Variants in PSMG2 observed in about 807,000 individuals in gnomAD.
PSMG2 encodes the protein CD40 ligand-activated specific transcript 3.
PSMG2 carries 21 observed loss-of-function variants against 31.5 expected under a neutral mutation model. The observed-to-expected ratio is 0.67, with a 90% CI of 0.47 to 0.96. PSMG2 has a LOEUF of 0.96. PSMG2 is among the 40% of genes least tolerant of loss of function. PSMG2 has a pLI of 0.00. For synonymous variants in PSMG2, 120 were observed against 110.4 expected (o/e 1.09, Z -0.54); for missense variants, 318 against 321.2 (o/e 0.99, Z 0.08).
At chr18:12,701,939 A>G (rs567486939), upstream of PSMG2, among the ~76,000 whole-genome samples, 2 of 152,080 alleles carry the variant, frequency 1.3e-5, no homozygotes, top group East Asian at 3.9e-4. Context: ...GACCAGCCAC[A>G]CCAACATGGT....
intron 1 of PSMG2, among the ~76,000 whole-genome samples, chr18:12,666,434 T>C (rs2038803131): frequency 7.2e-6 from 1 of 138,336 alleles, no homozygotes; most frequent in South Asian, 2.2e-4. Flanking sequence ...CAAAATTTTA[T>C]GGTTTTTTTT....
intron 1 of PSMG2, among the ~76,000 whole-genome samples, chr18:12,705,238 ATT>A: frequency 6.6e-6 from 1 of 151,998 alleles, no homozygotes; most frequent in African/African-American, 2.4e-5. Context: ...CTAATTTTGT[ATT>A]TTTGGTAGAG....
upstream of PSMG2, chr18:12,700,092 G>A: frequency 2.4e-6 from 1 of 418,966 alleles, no homozygotes. Context: ...GATGTAAACT[G>A]ATCACTCCTA....
At chr18:12,699,735 G>C, upstream of PSMG2, 1 of 685,124 alleles carries the variant, frequency 1.5e-6, no homozygotes. Context: ...ATTTTGGGGG[G>C]AAAAAATGGA....
intron 1 of PSMG2, chr18:12,672,588 T>C (rs1233321606): frequency 1.1e-6 from 1 of 896,762 alleles, no homozygotes; most frequent in Non-Finnish European, 1.3e-6. Context: ...ATAGAATCCA[T>C]GAAGAGGCTA....
At chr18:12,694,961 C>A (rs886741628) in intron 1 of PSMG2, among the ~76,000 whole-genome samples, 2 of 151,958 alleles carry the variant, frequency 1.3e-5, no homozygotes, top group Non-Finnish European at 2.9e-5. Flanking sequence ...GTGATCCGCC[C>A]GCCTCGGCCT....
chr18:12,680,550 T>C (rs1224802444), intron 1 of PSMG2: 9 of 697,854 alleles, frequency 1.3e-5, no homozygotes, highest in Non-Finnish European at 8.8e-6. Context: ...TGAGCTGAGA[T>C]TGTGCCAGTG....
At chr18:12,667,603 A>G (rs902977551) in intron 1 of PSMG2, among the ~76,000 whole-genome samples, 2 of 150,584 alleles carry the variant, frequency 1.3e-5, no homozygotes, top group Non-Finnish European at 3.0e-5. Context: ...TCTAGTAAAA[A>G]TACAAAAATT....
intron 2 of PSMG2, among the ~76,000 whole-genome samples, chr18:12,708,441 C>T (rs35616981): frequency 0.09 from 13,547 of 150,568 alleles, 844 homozygotes; most frequent in Non-Finnish European, 0.13. Context: ...CTCAGCTCAC[C>T]GCAGCCTCCG....
At chr18:12,702,640 G>A, upstream of PSMG2, 3 of 1,404,354 alleles carry the variant, frequency 2.1e-6, no homozygotes, top group East Asian at 2.7e-5. Context: ...AGGAGCGACT[G>A]GAGCACAAAG....
chr18:12,666,436 G>GTATTTTTT (rs1555640544), intron 1 of PSMG2, among the ~76,000 whole-genome samples: 1 of 126,624 alleles, frequency 7.9e-6, no homozygotes, highest in African/African-American at 2.9e-5. Flanking sequence ...AAATTTTATG[G>GTATTTTTT]TTTTTTTTTT....
intron 3 of PSMG2, among the ~76,000 whole-genome samples, chr18:12,718,041 C>G (rs1162686871): frequency 2.0e-5 from 3 of 146,674 alleles, no homozygotes; most frequent in Non-Finnish European, 3.0e-5. Context: ...GAAAGTTTCA[C>G]TCGGTTCCCC....
intron 1 of PSMG2, among the ~76,000 whole-genome samples, chr18:12,703,468 C>A (rs1463850188): frequency 6.6e-6 from 1 of 152,210 alleles, no homozygotes; most frequent in Non-Finnish European, 1.5e-5. Flanking sequence ...TCAGTTTTAT[C>A]CTAGAAAGTC....
At chr18:12,699,312 T>TA (rs200050156), upstream of PSMG2, 614 of 709,134 alleles carry the variant, frequency 8.7e-4, 2 homozygotes, top group African/African-American at 6.3e-3. Context: ...TACCAAAGAC[T>TA]AAAAAAAAAG....
At chr18:12,722,824 C>CG (rs917722780) in intron 5 of PSMG2, among the ~76,000 whole-genome samples, 10 of 152,192 alleles carry the variant, frequency 6.6e-5, no homozygotes, top group African/African-American at 2.4e-4. Flanking sequence ...ATAAGAGGCG[C>CG]GATAAGCTGA....
In PSMG2 at chr18:12,684,959, A is replaced by C. The variant is rs541751385; in HGVS notation, c.-36-21591A>C. 10 of 151,664 alleles carry C rather than the reference A, an allele frequency of 6.6e-5. No individual in the cohort carries two copies. In the East Asian group the frequency reaches 1.8e-3, roughly 27 times the overall value. The allele number at this position is 151,664 out of a possible 1,614,324, so 9.4% of individuals were successfully genotyped here. ...CAAACTAAATAGCATGCAATTCAAG[A>C]TTTTTTTCTATTTTAATATTTTTTC... On this transcript the variant is annotated intron_variant, in intron 1 of 6. Coordinates refer to the PSMG2 transcript ENST00000585331.
chr18:12,666,713 G>C (rs1468806826), intron 1 of PSMG2, among the ~76,000 whole-genome samples: 1 of 151,352 alleles, frequency 6.6e-6, no homozygotes, highest in Non-Finnish European at 1.5e-5. Flanking sequence ...CCTCCTAAAG[G>C]GGTGGAATTA....
At chr18:12,670,537 T>A (rs1291629030) in intron 1 of PSMG2, 1 of 152,222 alleles carries the variant, frequency 6.6e-6, no homozygotes, top group Non-Finnish European at 1.5e-5. Flanking sequence ...TAATACAGCC[T>A]TGATCTTAAT....
intron 1 of PSMG2, among the ~76,000 whole-genome samples, chr18:12,696,477 T>C (rs1461536838): frequency 6.6e-6 from 1 of 151,860 alleles, no homozygotes; most frequent in Non-Finnish European, 1.5e-5. Flanking sequence ...CACTCCAGCC[T>C]GGTGACAGAG....
Sources: allele counts gnomAD v4.1 joint callset (sites outside exome capture counted in the v4.1 genomes callset), GRCh38; gene constraint gnomAD v4.1.1; transcripts MANE v1.5; gene names NCBI Gene and HGNC (gene_info 2026-07-23, HGNC 2026-07-21).